The following DNAH14 variants were observed in gnomAD, a reference collection of about 807,000 sequenced individuals.
The protein encoded by DNAH14 is axonemal beta dynein heavy chain 14.
In DNAH14, 478 loss-of-function variants were observed where a neutral mutation model predicts 520.9. The observed-to-expected ratio is 0.92, with a 90% CI of 0.85 to 0.99. The LOEUF (loss-of-function observed/expected upper bound fraction) is 0.99. Ranked by LOEUF, DNAH14 falls within the 50% of genes least tolerant of loss-of-function variation. DNAH14 has a pLI of 0.00. For synonymous variants in DNAH14, 1,581 were observed against 1,757.2 expected (o/e 0.90, Z 2.51); for missense variants, 4,831 against 5,234.5 (o/e 0.92, Z 2.38).
chr1:225,041,429 G>A (rs1447995138), intron 12 of DNAH14, among the ~76,000 whole-genome samples: 2 of 152,040 alleles, frequency 1.3e-5, no homozygotes, highest in Non-Finnish European at 2.9e-5. Context: ...CTATTTACTG[G>A]TTCATTCTTG....
chr1:225,116,211 A>G (rs993568542), intron 23 of DNAH14, among the ~76,000 whole-genome samples: 2 of 152,202 alleles, frequency 1.3e-5, no homozygotes, highest in African/African-American at 4.8e-5. Flanking sequence ...CCAGTCAGGC[A>G]GAGGACAGAG....
Position 225,322,807 on chromosome 1 carries a change from A to G in DNAH14, c.9479A>G (p.Asp3160Gly), listed in dbSNP as rs2150212791. ...FLKKLINLDK[D>G]SIPDKVFVKL... The stretch of plus-strand genomic sequence containing the variant: ...AAAAAATTGATTAACCTTGACAAGG[A>G]CAGCATACCTGATAAGGTAAAAAGT... The change falls in exon 62 of 86, where the codon GAC (aspartate) becomes GGC (glycine). Residue 3160 changes from aspartate (D) to glycine (G), a missense_variant. Transcript: ENST00000682510. 3 of 1,550,062 alleles carry G rather than the reference A, an allele frequency of 1.9e-6. No individual in the cohort carries two copies. The South Asian group carries it at 3.6e-5, about 18-fold the overall frequency.
chr1:225,331,358 T>G, intron 64 of DNAH14, 79 bp from the exon 65 acceptor site: 1 of 1,384,694 alleles, frequency 7.2e-7, no homozygotes, highest in Non-Finnish European at 9.8e-7. Flanking sequence ...AACACTATAT[T>G]TATATAAATG....
intron 17 of DNAH14, among the ~76,000 whole-genome samples, chr1:225,067,483 G>A (rs1473637557): frequency 6.6e-6 from 1 of 152,134 alleles, no homozygotes; most frequent in African/African-American, 2.4e-5. Flanking sequence ...CATATACCCA[G>A]TAATGGCATT....
chr1:225,111,739 A>AT (rs2076494441), intron 23 of DNAH14, among the ~76,000 whole-genome samples: 1 of 151,666 alleles, frequency 6.6e-6, no homozygotes, highest in Admixed American at 6.6e-5. Context: ...TCTTTTTAGT[A>AT]AAGGTGATTT....
At chr1:225,214,901 A>G (rs1198112296) in intron 41 of DNAH14, among the ~76,000 whole-genome samples, 2 of 151,976 alleles carry the variant, frequency 1.3e-5, no homozygotes, top group Admixed American at 6.6e-5. Flanking sequence ...TTGTGTCTCT[A>G]TCTCCTTCAG....
chr1:225,373,375 GAATC>G (rs1399765170), intron 77 of DNAH14, among the ~76,000 whole-genome samples: 1 of 151,396 alleles, frequency 6.6e-6, no homozygotes, highest in Non-Finnish European at 1.5e-5. Context: ...TGAGGCAGGA[GAATC>G]GCTTGAACCC....
chr1:225,226,547 C>T (rs1033033986), intron 41 of DNAH14, among the ~76,000 whole-genome samples: 1 of 152,154 alleles, frequency 6.6e-6, no homozygotes, highest in African/African-American at 2.4e-5. Flanking sequence ...AGGACAAGCC[C>T]GTAGCCTCCA....
At chr1:225,177,839 T>C (rs997133737) in intron 36 of DNAH14, among the ~76,000 whole-genome samples, 3 of 151,968 alleles carry the variant, frequency 2.0e-5, no homozygotes, top group African/African-American at 7.3e-5. Flanking sequence ...AAATGTGGGG[T>C]TGAAGCCCCC....
intron 1 of DNAH14, among the ~76,000 whole-genome samples, chr1:224,930,780 A>G (rs2058644131): frequency 6.6e-6 from 1 of 152,128 alleles, no homozygotes; most frequent in Admixed American, 6.5e-5. Context: ...TTGTATTTTT[A>G]GTAGAGACGG....
At chr1:225,338,890 C>T (rs10495238) in intron 68 of DNAH14, among the ~76,000 whole-genome samples, 36,285 of 152,086 alleles carry the variant, frequency 0.24, 4,545 homozygotes, top group East Asian at 0.35. Context: ...CCCAGGAATT[C>T]TGACGGACTG....
chr1:225,202,990 G>A (rs1299627083), intron 38 of DNAH14, among the ~76,000 whole-genome samples: 4 of 152,222 alleles, frequency 2.6e-5, no homozygotes. Flanking sequence ...GTGAGGGTGT[G>A]TGTTTGGGGG....
At chr1:225,188,773 T>A (rs1348247074) in intron 37 of DNAH14, among the ~76,000 whole-genome samples, 2 of 152,008 alleles carry the variant, frequency 1.3e-5, no homozygotes, top group Non-Finnish European at 2.9e-5. Context: ...TAGATCATTT[T>A]GGTGAATACT....
intron 42 of DNAH14, among the ~76,000 whole-genome samples, chr1:225,240,086 G>A (rs1414443618): frequency 6.6e-6 from 1 of 151,988 alleles, no homozygotes; most frequent in Admixed American, 6.6e-5. Flanking sequence ...TCTACGACTT[G>A]GTTGAGACAA....
chr1:224,988,075 G>T (rs1384542441), intron 8 of DNAH14, among the ~76,000 whole-genome samples: 1 of 144,530 alleles, frequency 6.9e-6, no homozygotes, highest in Non-Finnish European at 1.5e-5. Context: ...CTCCAAGCAG[G>T]CCCCAGTGTG....
intron 1 of DNAH14, among the ~76,000 whole-genome samples, chr1:224,933,548 G>A (rs1258126055): frequency 6.6e-6 from 1 of 152,040 alleles, no homozygotes; most frequent in Admixed American, 6.6e-5. Context: ...CATTCAGTAT[G>A]ATGTTAGCTG....
At chr1:225,337,597 G>A (rs375110560) in intron 67 of DNAH14, 101 bp downstream of exon 67, 2 of 871,056 alleles carry the variant, frequency 2.3e-6, no homozygotes, top group East Asian at 2.7e-5. Flanking sequence ...AACTGTCAGG[G>A]AAAAAATAAT....
intron 23 of DNAH14, among the ~76,000 whole-genome samples, chr1:225,106,897 A>G (rs1190924742): frequency 1.3e-5 from 2 of 152,170 alleles, no homozygotes; most frequent in Non-Finnish European, 2.9e-5. Flanking sequence ...GTCATTCTCC[A>G]TCCAGCATTG....
chr1:224,930,363 G>A (rs2058605723), intron 1 of DNAH14, among the ~76,000 whole-genome samples: 1 of 152,108 alleles, frequency 6.6e-6, no homozygotes, highest in Non-Finnish European at 1.5e-5. Context: ...ACTACGCTAG[G>A]AAATATATGT....
Sources: gnomAD v4.1 joint callset for allele counts (sites outside exome capture counted in the v4.1 genomes callset) on GRCh38, gnomAD v4.1.1 for gene constraint, MANE v1.5 for transcripts, NCBI Gene and HGNC (gene_info 2026-07-23, HGNC 2026-07-21) for gene names.